The following SATB1 variants were observed in gnomAD, a reference collection of about 807,000 sequenced individuals.
SATB1 encodes the protein SATB homeobox 1, also known as DNA-binding protein SATB1.
Under a neutral mutation model 86.9 loss-of-function variants are expected in SATB1, and 11 were observed. That is an observed-to-expected ratio of 0.13 (90% CI 0.08 to 0.21). The LOEUF is 0.21. Among genes scored for constraint, SATB1 ranks in the 10% least tolerant of loss-of-function variants. The probability of loss-of-function intolerance (pLI) is 1.00; values close to 1 mark genes in which losing one functional copy is unlikely to be tolerated. For missense variants in SATB1, 551 were observed against 937.6 expected (o/e 0.59, Z 5.39); for synonymous variants, 357 against 357.2 (o/e 1.00, Z 0.01).
At chr3:18,420,259 T>C (rs1183570679) in intron 2 of SATB1, among the ~76,000 whole-genome samples, 1 of 152,176 alleles carries the variant, frequency 6.6e-6, no homozygotes, top group Non-Finnish European at 1.5e-5. Context: ...AATCATCAGA[T>C]TTTTTACTGC....
intron 1 of SATB1, among the ~76,000 whole-genome samples, chr3:18,438,077 A>T (rs1203093182): frequency 6.6e-6 from 1 of 152,188 alleles, no homozygotes; most frequent in Admixed American, 6.5e-5. Context: ...ATCTGCATAC[A>T]CTAGGTTCTA....
At chr3:18,417,570 T>C in intron 2 of SATB1, 1 of 643,708 alleles carries the variant, frequency 1.6e-6, no homozygotes, top group Non-Finnish European at 2.8e-6. Context: ...ATTTTCATTT[T>C]CTTCCTTTTT....
At chr3:18,419,344 T>G (rs970087138) in intron 2 of SATB1, among the ~76,000 whole-genome samples, 1 of 152,208 alleles carries the variant, frequency 6.6e-6, no homozygotes, top group Non-Finnish European at 1.5e-5. Context: ...GGGAGAGCAC[T>G]GGTCACTGCT....
chr3:18,434,875 A>T (rs1315537365), intron 2 of SATB1: 4 of 152,116 alleles, frequency 2.6e-5, no homozygotes, highest in Non-Finnish European at 4.4e-5. Flanking sequence ...TAAAAAAAAA[A>T]AATAACCGCT....
chr3:18,404,837 T>C (rs1324012421), intron 5 of SATB1, among the ~76,000 whole-genome samples: 2 of 143,848 alleles, frequency 1.4e-5, no homozygotes, highest in Admixed American at 6.8e-5. Context: ...GCTTAAACTA[T>C]AAAATATTTT....
intron 9 of SATB1, among the ~76,000 whole-genome samples, chr3:18,354,079 T>C (rs1422380712): frequency 6.6e-6 from 1 of 152,210 alleles, no homozygotes; most frequent in Non-Finnish European, 1.5e-5. Context: ...TACTATAATA[T>C]GACATATTTC....
intron 8 of SATB1, among the ~76,000 whole-genome samples, chr3:18,381,118 G>C (rs907242095): frequency 1.3e-5 from 2 of 152,158 alleles, no homozygotes; most frequent in African/African-American, 4.8e-5. Flanking sequence ...CTCCCATGTG[G>C]GGATAGGGTG....
chr3:18,436,506 CAAAAAAAAA>C (rs71055011), intron 2 of SATB1, among the ~76,000 whole-genome samples: 2 of 113,852 alleles, frequency 1.8e-5, no homozygotes, highest in African/African-American at 3.3e-5. Context: ...CAGGTGCTAC[CAAAAAAAAA>C]AAAAAAAAAA....
At chr3:18,432,932 C>T (rs1698935536) in intron 2 of SATB1, among the ~76,000 whole-genome samples, 1 of 151,972 alleles carries the variant, frequency 6.6e-6, no homozygotes, top group Admixed American at 6.6e-5. Flanking sequence ...CAATCCCATC[C>T]CCACCCCAAT....
chr3:18,417,108 A>G (rs1698155440), intron 2 of SATB1, 30 bp from the exon 3 acceptor site: 6 of 1,601,310 alleles, frequency 3.7e-6, no homozygotes, highest in Non-Finnish European at 5.1e-6. Context: ...GAAGAGATGG[A>G]AAACCAACAA....
At chr3:18,402,949 T>G (rs376081306) in intron 5 of SATB1, among the ~76,000 whole-genome samples, 4 of 152,248 alleles carry the variant, frequency 2.6e-5, no homozygotes, top group African/African-American at 7.2e-5. Context: ...CATTTCAGCT[T>G]AATGTAATCC....
At chr3:18,414,770 C>T (rs1698032460) in intron 5 of SATB1, among the ~76,000 whole-genome samples, 1 of 152,062 alleles carries the variant, frequency 6.6e-6, no homozygotes, top group Admixed American at 6.6e-5. Context: ...GGGAGTAGTA[C>T]CACCTCGACT....
intron 8 of SATB1, among the ~76,000 whole-genome samples, chr3:18,380,553 TA>T (rs900066805): frequency 2.6e-5 from 4 of 151,974 alleles, no homozygotes; most frequent in African/African-American, 9.7e-5. Context: ...ATACAAGAAA[TA>T]TTTTTTTTTA....
intron 9 of SATB1, among the ~76,000 whole-genome samples, chr3:18,369,808 G>T (rs956467094): frequency 6.6e-6 from 1 of 152,194 alleles, no homozygotes; most frequent in Non-Finnish European, 1.5e-5. Context: ...TGTGCTGGTA[G>T]CGGCAGTTAA....
chr3:18,385,156 A>G (rs1379808718), intron 8 of SATB1, among the ~76,000 whole-genome samples: 1 of 152,180 alleles, frequency 6.6e-6, no homozygotes, highest in Admixed American at 6.5e-5. Flanking sequence ...TCTATACATG[A>G]AAATGTATAA....
At chr3:18,385,808 G>A (rs1696314431) in intron 8 of SATB1, among the ~76,000 whole-genome samples, 1 of 151,992 alleles carries the variant, frequency 6.6e-6, no homozygotes, top group Admixed American at 6.6e-5. Flanking sequence ...TACCCGGAAG[G>A]CAACTTTCTT....
chr3:18,412,151 C>G (rs186715564), intron 5 of SATB1, among the ~76,000 whole-genome samples: 7 of 152,128 alleles, frequency 4.6e-5, no homozygotes, highest in Admixed American at 3.3e-4. Flanking sequence ...ATAGGCTTAG[C>G]AAGTCAGGAC....
chr3:18,419,689 TTTC>T (rs1261830274), intron 2 of SATB1, among the ~76,000 whole-genome samples: 3 of 152,228 alleles, frequency 2.0e-5, no homozygotes, highest in Admixed American at 1.3e-4. Context: ...TTACCCTGGC[TTTC>T]TTAAGATGCA....
At chr3:18,419,306 C>G (rs1011756400) in intron 2 of SATB1, among the ~76,000 whole-genome samples, 7 of 152,162 alleles carry the variant, frequency 4.6e-5, no homozygotes, top group African/African-American at 1.7e-4. Flanking sequence ...CCAACTACAG[C>G]AACTTCATAA....
Sources: gnomAD v4.1 joint callset for allele counts (sites outside exome capture counted in the v4.1 genomes callset) on GRCh38, gnomAD v4.1.1 for gene constraint, MANE v1.5 for transcripts, NCBI Gene and HGNC (gene_info 2026-07-23, HGNC 2026-07-21) for gene names.